Variants in RREB1 observed in about 807,000 individuals in gnomAD.
RREB1 encodes ras responsive element binding protein 1, also known as ras-responsive element-binding protein 1.
In RREB1, 27 loss-of-function variants were observed where a neutral mutation model predicts 117.8. That is an observed-to-expected ratio of 0.23 (90% confidence interval 0.17 to 0.32). The LOEUF (loss-of-function observed/expected upper bound fraction) is 0.32, where lower values mean the gene tolerates loss of function less well. Ranked by LOEUF, RREB1 falls within the 10% of genes least tolerant of loss-of-function variation. The pLI is 1.00. For missense variants in RREB1, 2,577 were observed against 2,378.2 expected, an observed-to-expected ratio of 1.08 and a Z score of -1.74; for synonymous variants, 1,298 against 1,026.7, an observed-to-expected ratio of 1.26 and a Z score of -5.05.
At chr6:7,121,736 C>T (rs1319144219) in intron 1 of RREB1, among the ~76,000 whole-genome samples, 3 of 151,986 alleles carry the variant, frequency 2.0e-5, no homozygotes, top group Non-Finnish European at 4.4e-5. Context: ...CCAGGCAGTC[C>T]TTTGGTTTCT....
intron 1 of RREB1, chr6:7,108,782 T>C (rs568460671): frequency 6.6e-6 from 1 of 151,268 alleles, no homozygotes; most frequent in South Asian, 2.1e-4. Flanking sequence ...CGCCGCGCCC[T>C]GCTCTGCGGA....
chr6:7,240,738 T>G lies in RREB1; in HGVS notation c.3973+136T>G, dbSNP rs968080270. 1.7e-4 allele frequency: 125 copies of G among 714,396 alleles called. No individual in the cohort carries two copies. In the African/African-American group the frequency reaches 2.1e-3, roughly 12 times the overall value. The allele number at this position is 714,396 out of a possible 1,614,324, so 44.3% of individuals were successfully genotyped here. A position where few individuals can be genotyped will look rare whatever the true frequency, so the allele number is the denominator to read the frequency against. ...TGTAGGATTCAGAGCCCACAGCCTG[T>G]TAATAGAAAGGCAGGCCCTGCTGAT... On this transcript the variant is annotated intron_variant, in intron 11 of 12. Transcript: ENST00000379938.
Position 7,247,017 on chromosome 6 carries a change from G to T in RREB1, c.4567G>T (p.Ala1523Ser). The change falls in exon 12 of 13, where the codon GCG (alanine) becomes TCG (serine). Residue 1523 changes from alanine to serine, a missense_variant. By Grantham distance (99) the Ala-to-Ser change is moderately conservative (BLOSUM62 1). Transcript: ENST00000379938. ...CGGGGAGGCCCCGGCGGAAAAGCTC[G>T]CGGAGGAGACGGAGGGCCCCTCCGA... ...GAGEAPAEKL[A>S]EETEGPSDGE... 1 of 1,610,880 alleles carries T rather than the reference G, an allele frequency of 6.2e-7. No homozygotes were observed. The highest frequency in any genetic ancestry group is 1.1e-5 in the South Asian group (1 of 90,828).
chr6:7,244,989 C>T (rs1192437288), intron 11 of RREB1, among the ~76,000 whole-genome samples: 4 of 152,232 alleles, frequency 2.6e-5, no homozygotes, highest in African/African-American at 7.2e-5. Context: ...TCTGCTGGCT[C>T]AAGGACTGCA....
chr6:7,224,471 G>C (rs1767460692), intron 8 of RREB1, among the ~76,000 whole-genome samples: 1 of 152,038 alleles, frequency 6.6e-6, no homozygotes, highest in Non-Finnish European at 1.5e-5. Flanking sequence ...CGAGGTGATG[G>C]ATTGGCGACC....
rs1403233581 is a variant in RREB1 at position 7,211,009 on chromosome 6, A to G, written c.570+61A>G. 4 of 1,517,802 alleles carry G rather than the reference A, an allele frequency of 2.6e-6. No individual in the cohort carries two copies. In the African/African-American group the frequency reaches 5.6e-5, roughly 21 times the overall value. The allele number at this position is 1,517,802 out of a possible 1,614,324, so 94.0% of individuals were successfully genotyped here. ...GGGGACTTCTGTCAGAAATACCACTAATCTTTATTTTCTCAGTGTGGAGAC... is the reference window on the plus strand; with the variant it reads ...GGGGACTTCTGTCAGAAATACCACTGATCTTTATTTTCTCAGTGTGGAGAC... On this transcript the variant is annotated intron_variant, in intron 7 of 12. Transcript: ENST00000379938.
chr6:7,232,197 T>C (rs1266823532), intron 10 of RREB1, among the ~76,000 whole-genome samples: 3 of 152,208 alleles, frequency 2.0e-5, no homozygotes, highest in Non-Finnish European at 4.4e-5. Flanking sequence ...AGATCACTCA[T>C]GGCGTCGCCT....
chr6:7,152,339 TAGAC>T (rs980713562), intron 1 of RREB1, among the ~76,000 whole-genome samples: 2 of 152,228 alleles, frequency 1.3e-5, no homozygotes, highest in African/African-American at 4.8e-5. Context: ...ATTTTAAAAA[TAGAC>T]CTTCACTAAT....
At chr6:7,177,710 T>G (rs556424544) in intron 2 of RREB1, among the ~76,000 whole-genome samples, 1 of 152,136 alleles carries the variant, frequency 6.6e-6, no homozygotes, top group Non-Finnish European at 1.5e-5. Flanking sequence ...CTTTTTTCTT[T>G]TCTTTTCTTT....
chr6:7,240,520 C>T lies in RREB1; in HGVS notation c.3891C>T (p.His1297=), dbSNP rs147995208. ...GTGAACGCCACCAGTTGCGCAAACACGGAGTTACCACCTGTTCCCTGAGAA... is the reference window on the plus strand; with the variant it reads ...GTGAACGCCACCAGTTGCGCAAACATGGAGTTACCACCTGTTCCCTGAGAA... ...SNCERHQLRK[H]GVTTCSLRRN... The change falls in exon 11 of 13, where the codon CAC becomes CAT. Residue 1297 remains histidine, a synonymous_variant. Coordinates refer to ENST00000379938, the MANE Select transcript of RREB1 (RefSeq NM_001003699.4). The T allele has an allele frequency of 5.6e-6, 9 of 1,613,822 alleles. No individual in the cohort carries two copies. The East Asian group carries it at 8.9e-5, about 16-fold the overall frequency.
At chr6:7,181,607 G>C in intron 3 of RREB1, 1 of 575,478 alleles carries the variant, frequency 1.7e-6, no homozygotes. Context: ...GAAAGGTAGA[G>C]AAACCTGCCT....
chr6:7,243,652 A>T (rs964531781), intron 11 of RREB1, among the ~76,000 whole-genome samples: 1 of 151,898 alleles, frequency 6.6e-6, no homozygotes, highest in Non-Finnish European at 1.5e-5. Context: ...CTGCTAAAAC[A>T]CTCCCCCTAG....
chr6:7,132,635 T>C (rs1017536298), intron 1 of RREB1, among the ~76,000 whole-genome samples: 1 of 152,380 alleles, frequency 6.6e-6, no homozygotes, highest in East Asian at 1.9e-4. Context: ...TTGGGTGTCT[T>C]GCCCATAGGC....
intron 6 of RREB1, among the ~76,000 whole-genome samples, chr6:7,203,557 C>T (rs926630799): frequency 6.6e-6 from 1 of 152,114 alleles, no homozygotes; most frequent in Non-Finnish European, 1.5e-5. Flanking sequence ...TGACCCCATG[C>T]CTGGGTTTGG....
chr6:7,184,847 A>G (rs1345655241), intron 4 of RREB1: 1 of 150,232 alleles, frequency 6.7e-6, no homozygotes. Context: ...TTTACATCCT[A>G]TTGATGTATC....
At chr6:7,109,105 C>T (rs1199974314) in intron 1 of RREB1, among the ~76,000 whole-genome samples, 5 of 151,672 alleles carry the variant, frequency 3.3e-5, no homozygotes, top group East Asian at 2.0e-4. Context: ...CCGCCGGGGC[C>T]CGCTCCGCCG....
intron 1 of RREB1, among the ~76,000 whole-genome samples, chr6:7,111,526 G>A (rs549350699): frequency 6.6e-6 from 1 of 152,316 alleles, no homozygotes; most frequent in South Asian, 2.1e-4. Flanking sequence ...TTGCTAAGCA[G>A]CTAAACAGAA....
At chr6:7,181,095 T>C (rs552516020) in intron 2 of RREB1, 29 bp from the exon 3 acceptor site, 4 of 398,242 alleles carry the variant, frequency 1.0e-5, no homozygotes, top group Non-Finnish European at 1.8e-5. Context: ...TGAAAAGATG[T>C]TCACTTTGGG....
At chr6:7,150,976 C>G (rs1418541032) in intron 1 of RREB1, among the ~76,000 whole-genome samples, 1 of 152,174 alleles carries the variant, frequency 6.6e-6, no homozygotes, top group Non-Finnish European at 1.5e-5. Context: ...GCTGGCCGCC[C>G]GGAGATCAGC....
Sources: gnomAD v4.1 joint callset for allele counts (sites outside exome capture counted in the v4.1 genomes callset) on GRCh38, gnomAD v4.1.1 for gene constraint, MANE v1.5 for transcripts, NCBI Gene and HGNC (gene_info 2026-07-23, HGNC 2026-07-21) for gene names.